Variants in PID1 observed in about 807,000 individuals in gnomAD.
PID1 encodes the protein PTB-containing, cubilin and LRP1-interacting protein.
PID1 carries 10 observed loss-of-function variants against 19.1 expected under a neutral mutation model. The ratio of observed to expected loss-of-function variants is 0.52; its 90% confidence interval spans 0.32 to 0.89. The LOEUF is 0.89. Among genes scored for constraint, PID1 ranks in the 40% least tolerant of loss-of-function variants. PID1 has a pLI of 0.03. For missense variants in PID1, 248 were observed against 285.3 expected, an observed-to-expected ratio of 0.87 and a Z score of 0.94; for synonymous variants, 130 against 116.0, an observed-to-expected ratio of 1.12 and a Z score of -0.78.
chr2:229,231,317 C>T (rs1391998587), intron 1 of PID1, among the ~76,000 whole-genome samples: 1 of 152,090 alleles, frequency 6.6e-6, no homozygotes, highest in East Asian at 1.9e-4. Flanking sequence ...TCCCTTTAGT[C>T]TATGGGGGAT....
intron 1 of PID1, among the ~76,000 whole-genome samples, chr2:229,156,800 G>A (rs957638296): frequency 6.6e-6 from 1 of 152,044 alleles, no homozygotes; most frequent in South Asian, 2.1e-4. Context: ...TGGCCTTTGA[G>A]ACCACACATG....
At chr2:229,190,449 C>G (rs1385019416) in intron 1 of PID1, among the ~76,000 whole-genome samples, 1 of 152,162 alleles carries the variant, frequency 6.6e-6, no homozygotes, top group Non-Finnish European at 1.5e-5. Context: ...CTTGAAGACT[C>G]CTGGAAGGAA....
At chr2:229,259,351 G>A (rs1233232594) in intron 1 of PID1, among the ~76,000 whole-genome samples, 2 of 152,114 alleles carry the variant, frequency 1.3e-5, no homozygotes, top group Non-Finnish European at 2.9e-5. Context: ...TTAAAGGGCA[G>A]AAGTTTTTAA....
intron 1 of PID1, among the ~76,000 whole-genome samples, chr2:229,235,413 G>A (rs1299085347): frequency 1.3e-5 from 2 of 152,180 alleles, no homozygotes; most frequent in Non-Finnish European, 2.9e-5. Context: ...AGAAGGTGGT[G>A]ACTTCCAAGG....
At position 229,025,437 on chromosome 2, in the gene PID1, G is replaced by A. The variant is rs1559198029; in HGVS notation, c.*195C>T. On this transcript the variant is annotated 3_prime_UTR_variant, in exon 3 of 3. Transcript: ENST00000392055. The stretch of plus-strand genomic sequence containing the variant: ...TCCCACCCTCCTCACAGTCACAGCA[G>A]CAGCAGGTTTCAATGTAACGTAATT... The A allele has an allele frequency of 1.7e-6, 1 of 586,034 alleles. No homozygotes were observed. The highest frequency in any genetic ancestry group is 3.0e-6 in the Non-Finnish European group (1 of 328,896). The allele number at this position is 586,034 out of a possible 1,614,324, so 36.3% of individuals were successfully genotyped here.
chr2:229,207,606 C>T (rs968366144), intron 1 of PID1, among the ~76,000 whole-genome samples: 9 of 151,122 alleles, frequency 6.0e-5, no homozygotes, highest in African/African-American at 2.2e-4. Flanking sequence ...ACTCAGCTGG[C>T]GGTTCTCAGA....
intron 2 of PID1, among the ~76,000 whole-genome samples, chr2:229,031,400 T>C (rs540221047): frequency 5.3e-5 from 8 of 150,634 alleles, no homozygotes; most frequent in Non-Finnish European, 1.0e-4. Context: ...CTACGAAAAA[T>C]ACAAAAATTA....
At chr2:229,166,706 C>T (rs542887356) in intron 1 of PID1, among the ~76,000 whole-genome samples, 2 of 152,174 alleles carry the variant, frequency 1.3e-5, no homozygotes, top group South Asian at 4.2e-4. Flanking sequence ...AGTCAATGTC[C>T]TTCTCCTTGG....
chr2:229,110,046 G>A (rs1242716036), intron 2 of PID1, among the ~76,000 whole-genome samples: 2 of 152,134 alleles, frequency 1.3e-5, no homozygotes, highest in African/African-American at 2.4e-5. Flanking sequence ...CTCCTCTGCT[G>A]GGCAGATGCC....
chr2:229,227,323 G>T (rs62191692), intron 1 of PID1, among the ~76,000 whole-genome samples: 42,051 of 152,064 alleles, frequency 0.28, 6,645 homozygotes, highest in East Asian at 0.66. Context: ...AGTCACCTAT[G>T]GCCAGTGGCC....
chr2:229,150,304 T>G (rs1054759709), intron 2 of PID1, among the ~76,000 whole-genome samples: 2 of 151,102 alleles, frequency 1.3e-5, no homozygotes, highest in African/African-American at 4.9e-5. Context: ...CATGCTAAAT[T>G]AGCCCTGTTC....
chr2:229,139,103 GAAAGAA>G (rs1217746903), intron 2 of PID1, among the ~76,000 whole-genome samples: 1 of 66,694 alleles, frequency 1.5e-5, no homozygotes, highest in African/African-American at 7.5e-5. Flanking sequence ...AAGAAAGAAA[GAAAGAA>G]AGAAAGAGAA....
intron 2 of PID1, among the ~76,000 whole-genome samples, chr2:229,083,777 G>A (rs1694711759): frequency 6.6e-6 from 1 of 152,172 alleles, no homozygotes; most frequent in African/African-American, 2.4e-5. Flanking sequence ...ACCTTGGCAA[G>A]CTGTCAAAGG....
At chr2:229,199,524 A>C (rs1163724480) in intron 1 of PID1, among the ~76,000 whole-genome samples, 1 of 151,920 alleles carries the variant, frequency 6.6e-6, no homozygotes, top group Non-Finnish European at 1.5e-5. Flanking sequence ...GCTACAGCAA[A>C]AGAACAAAAC....
chr2:229,197,387 A>G (rs914552711), intron 1 of PID1, among the ~76,000 whole-genome samples: 1 of 152,080 alleles, frequency 6.6e-6, no homozygotes, highest in Non-Finnish European at 1.5e-5. Flanking sequence ...CCTTCTATCC[A>G]GTGAAGTACC....
At chr2:229,255,014 CA>C (rs1690256002) in intron 1 of PID1, among the ~76,000 whole-genome samples, 1 of 152,126 alleles carries the variant, frequency 6.6e-6, no homozygotes, top group African/African-American at 2.4e-5. Context: ...CACTAAATCT[CA>C]ATGTGATTAG....
At chr2:229,201,352 C>T (rs899602217) in intron 1 of PID1, among the ~76,000 whole-genome samples, 3 of 152,060 alleles carry the variant, frequency 2.0e-5, no homozygotes, top group Non-Finnish European at 2.9e-5. Context: ...ACTGTAAGAA[C>T]TTCAGAAAAG....
intron 1 of PID1, among the ~76,000 whole-genome samples, chr2:229,266,927 T>C (rs1391500764): frequency 6.6e-6 from 1 of 152,186 alleles, no homozygotes; most frequent in Non-Finnish European, 1.5e-5. Context: ...CCCTGCCTGA[T>C]GGGCCAGGGC....
chr2:229,086,399 A>C (rs1694767482), intron 2 of PID1, among the ~76,000 whole-genome samples: 1 of 152,172 alleles, frequency 6.6e-6, no homozygotes. Flanking sequence ...CATGTAATTT[A>C]TTGAATACTA....
Sources: gnomAD v4.1 joint callset for allele counts (sites outside exome capture counted in the v4.1 genomes callset) on GRCh38, gnomAD v4.1.1 for gene constraint, MANE v1.5 for transcripts, NCBI Gene and HGNC (gene_info 2026-07-23, HGNC 2026-07-21) for gene names.